JMJD1C: variants seen among roughly 807,000 people sequenced by gnomAD.
JMJD1C encodes the protein jumonji domain-containing protein 1C.
In JMJD1C, 31 loss-of-function variants were observed where a neutral mutation model predicts 245.3. The ratio of observed to expected loss-of-function variants is 0.13; its 90% confidence interval spans 0.09 to 0.17. JMJD1C has a LOEUF of 0.17. JMJD1C is among the 10% of genes least tolerant of loss of function. The pLI is 1.00. For synonymous variants in JMJD1C, 1,057 were observed against 1,017.4 expected (o/e 1.04, Z -0.74); for missense variants, 2,691 against 3,000.2 (o/e 0.90, Z 2.41).
chr10:63,182,206 G>C (rs1285880928), intron 22 of JMJD1C, among the ~76,000 whole-genome samples: 1 of 152,236 alleles, frequency 6.6e-6, no homozygotes, highest in Non-Finnish European at 1.5e-5. Context: ...GAAAGTGCAT[G>C]TGAAGTAGAA....
rs188079169 is a variant in JMJD1C at position 63,440,879 on chromosome 10, T to C, written c.168+24616A>G. Among the ~76,000 whole-genome samples, 12 of 152,222 alleles carry C rather than the reference T, an allele frequency of 7.9e-5. No homozygotes were observed. In the East Asian group the frequency reaches 1.5e-3, roughly 20 times the overall value. The stretch of plus-strand genomic sequence containing the variant: ...CATATAACAACCCTTTTAGGTAAAA[T>C]AGTACCTATCTTATAGATCAAAAAA... On this transcript the variant is annotated intron_variant, in intron 1 of 25. Coordinates refer to ENST00000399262, the MANE Select transcript of JMJD1C (RefSeq NM_032776.3).
chr10:63,197,487 A>C lies in JMJD1C; in HGVS notation c.5568T>G (p.Ile1856Met). The change falls in exon 13 of 26, where the codon ATT becomes ATG. Residue 1856 changes from isoleucine to methionine, a missense_variant. Coordinates refer to ENST00000399262, the MANE Select transcript of JMJD1C (RefSeq NM_032776.3). ...ATCCACATTTTTGGCAGACCCAGTG[A>C]ATGTTAAACAATGTTGCTTCACATG... Reference protein sequence around the residue: ...CDACEATLFNIHWVCQKCGFV... With the variant: ...CDACEATLFNMHWVCQKCGFV... 2 of 1,611,180 alleles carry C rather than the reference A, an allele frequency of 1.2e-6. No individual in the cohort carries two copies. The highest frequency in any genetic ancestry group is 1.7e-6 in the Non-Finnish European group (2 of 1,179,200).
chr10:63,234,003 C>CA (rs927806102), intron 3 of JMJD1C, among the ~76,000 whole-genome samples: 1 of 151,886 alleles, frequency 6.6e-6, no homozygotes, highest in Non-Finnish European at 1.5e-5. Flanking sequence ...AAAGTTTCAA[C>CA]AAAAAATGCA....
intron 3 of JMJD1C, chr10:63,223,152 A>C (rs1848812183): frequency 6.8e-6 from 4 of 585,802 alleles, no homozygotes; most frequent in Non-Finnish European, 1.2e-5. Flanking sequence ...AAACCCAAAC[A>C]AACAAAAACT....
In JMJD1C at chr10:63,444,331, T is replaced by C. The variant is rs1444359869; in HGVS notation, c.168+21164A>G. Among the ~76,000 whole-genome samples the C allele has an allele frequency of 1.3e-5, 2 of 152,216 alleles. 1 individual carries two copies. Among genetic ancestry groups the C allele is most frequent in the South Asian group, 4.1e-4 (2 of 4,830 alleles). ...CTCTGTCACCTAGGCTGGAGTGCAG[T>C]GGCACAATCTCGACTCACCGCAACC... On this transcript the variant is annotated intron_variant, in intron 1 of 25. Coordinates refer to ENST00000399262, the MANE Select transcript of JMJD1C (RefSeq NM_032776.3).
At chr10:63,445,482 C>G (rs1010723780) in intron 1 of JMJD1C, among the ~76,000 whole-genome samples, 1 of 152,142 alleles carries the variant, frequency 6.6e-6, no homozygotes, top group African/African-American at 2.4e-5. Context: ...CCAGACCTGA[C>G]ATGTTCAAGG....
intron 2 of JMJD1C, among the ~76,000 whole-genome samples, chr10:63,361,754 G>C (rs76018629): frequency 1.8e-5 from 2 of 111,464 alleles, no homozygotes; most frequent in Non-Finnish European, 3.7e-5. Flanking sequence ...AAAAGAAAAA[G>C]AATATCCTAC....
chr10:63,177,336 ATCAGAT>A (rs1842953640), intron 23 of JMJD1C: 1 of 235,570 alleles, frequency 4.2e-6, no homozygotes, highest in Non-Finnish European at 8.3e-6. Flanking sequence ...AAAAATATCT[ATCAGAT>A]TCAAAGAAAA....
In JMJD1C at chr10:63,329,986, C is replaced by T. The variant is rs528454692; in HGVS notation, c.333+50332G>A. On this transcript the variant is annotated intron_variant, in intron 2 of 25. Transcript: ENST00000399262. ...TACAATCTAGGCTCACTGCAACCTC[C>T]GCCTCCTGGGTTCAAGAGATTCTCG... Among the ~76,000 whole-genome samples the T allele has an allele frequency of 5.9e-5, 9 of 152,318 alleles. No homozygotes were observed. In the East Asian group the frequency reaches 1.5e-3, roughly 26 times the overall value.
intron 21 of JMJD1C, among the ~76,000 whole-genome samples, chr10:63,184,133 G>A (rs1181872676): frequency 6.6e-6 from 1 of 151,946 alleles, no homozygotes; most frequent in Admixed American, 6.6e-5. Flanking sequence ...CACCATGTCA[G>A]CCAGGGTGGT....
At chr10:63,177,401 A>G in intron 23 of JMJD1C, 1 of 284,456 alleles carries the variant, frequency 3.5e-6, no homozygotes, top group Non-Finnish European at 6.6e-6. Context: ...TTGTTTTTAC[A>G]TCCCGCGACT....
chr10:63,309,917 A>C (rs75586436), intron 2 of JMJD1C, among the ~76,000 whole-genome samples: 1 of 142,282 alleles, frequency 7.0e-6, no homozygotes, highest in African/African-American at 2.5e-5. Context: ...ATTTCGTCTC[A>C]AAAAAAAAAG....
At chr10:63,361,429 A>ATAAG (rs1945316521) in intron 2 of JMJD1C, among the ~76,000 whole-genome samples, 1 of 152,206 alleles carries the variant, frequency 6.6e-6, no homozygotes, top group Non-Finnish European at 1.5e-5. Context: ...GTCTCAATAA[A>ATAAG]TAAGTAAGTA....
At chr10:63,493,249 C>CTTTTTTTTTTTTTTTTTTTTTTT (rs752941477) in intron 1 of JMJD1C, among the ~76,000 whole-genome samples, 1 of 49,136 alleles carries the variant, frequency 2.0e-5, no homozygotes, top group African/African-American at 8.6e-5. Flanking sequence ...ACTGTTATTT[C>CTTTTTTTTTTTTTTTTTTTTTTT]TTTTTTTTTT....
chr10:63,272,021 C>T (rs1458627021), intron 2 of JMJD1C, among the ~76,000 whole-genome samples: 2 of 147,066 alleles, frequency 1.4e-5, no homozygotes, highest in African/African-American at 5.0e-5. Context: ...TGCAGTGAGC[C>T]GAGATCATAC....
At position 63,207,934 on chromosome 10, in the gene JMJD1C, T is replaced by C. The variant is rs1437857889; in HGVS notation, c.3735A>G (p.Gln1245=). Residue 1245 remains glutamine (Q), a synonymous_variant, in exon 10 of 26, where the codon CAA becomes CAG. Transcript: ENST00000399262. The part of the protein sequence containing the change: ...VMPVNAGGKV[Q]ESQKPPTLIP... The stretch of plus-strand genomic sequence containing the variant: ...TTAGAGTTGGAGGCTTCTGTGATTC[T>C]TGAACTTTACCACCAGCATTTACTG... 3 of 1,614,206 alleles carry C rather than the reference T, an allele frequency of 1.9e-6. No homozygotes were observed. The highest frequency in any genetic ancestry group is 3.3e-5 in the Admixed American group (2 of 60,026).
intron 2 of JMJD1C, among the ~76,000 whole-genome samples, chr10:63,371,791 A>G (rs1946344562): frequency 6.6e-6 from 1 of 152,194 alleles, no homozygotes; most frequent in Non-Finnish European, 1.5e-5. Flanking sequence ...AAAAAGCTTA[A>G]TATTTTATTA....
At chr10:63,270,451 G>A (rs1856153900) in intron 2 of JMJD1C, among the ~76,000 whole-genome samples, 1 of 151,660 alleles carries the variant, frequency 6.6e-6, no homozygotes, top group Non-Finnish European at 1.5e-5. Context: ...TTACAGGTGT[G>A]AGCCACTGTG....
chr10:63,388,940 A>G (rs1947834124), intron 1 of JMJD1C, among the ~76,000 whole-genome samples: 1 of 152,216 alleles, frequency 6.6e-6, no homozygotes, highest in Non-Finnish European at 1.5e-5. Flanking sequence ...ATAACGATAA[A>G]AGAGATTGAT....
Sources: allele counts gnomAD v4.1 joint callset (sites outside exome capture counted in the v4.1 genomes callset), GRCh38; gene constraint gnomAD v4.1.1; transcripts MANE v1.5; gene names NCBI Gene and HGNC (gene_info 2026-07-23, HGNC 2026-07-21).